CPXM2: variants seen among roughly 807,000 people sequenced by gnomAD.
CPXM2 encodes the protein inactive carboxypeptidase-like protein X2.
A neutral mutation model predicts 86.1 loss-of-function variants in CPXM2; 66 were observed. That is an observed-to-expected ratio of 0.77 (90% CI 0.63 to 0.94). The LOEUF is 0.94. Among genes scored for constraint, CPXM2 ranks in the 40% least tolerant of loss-of-function variants. The pLI is 0.00. For synonymous variants in CPXM2, 388 were observed against 400.2 expected, an observed-to-expected ratio of 0.97 and a Z score of 0.36; for missense variants, 948 against 1,026.3, an observed-to-expected ratio of 0.92 and a Z score of 1.04.
chr10:123,842,379 A>G lies in CPXM2; in HGVS notation c.623T>C (p.Val208Ala). 1 of 1,614,256 alleles carries G rather than the reference A, an allele frequency of 6.2e-7. No homozygotes were observed. The highest frequency in any genetic ancestry group is 2.2e-5 in the East Asian group (1 of 44,892). ...GAGGGAGTTCCTCCCTTGAGTGATG[A>G]CACCAGTGAATCTGGTCAGGCGCCG... ...DARRLTRFTGVITQGRNSLWL... is the reference protein window; with the variant it reads ...DARRLTRFTGAITQGRNSLWL... The change falls in exon 4 of 14, where the codon GTC (valine) becomes GCC (alanine). Residue 208 changes from valine (V) to alanine (A), a missense_variant. Transcript: ENST00000241305.
At chr10:123,846,253 GT>G (rs1453092314) in intron 3 of CPXM2, among the ~76,000 whole-genome samples, 1 of 152,112 alleles carries the variant, frequency 6.6e-6, no homozygotes, top group Non-Finnish European at 1.5e-5. Flanking sequence ...AGAATCAATG[GT>G]AGCCTGAGCT....
At chr10:123,840,628 G>A (rs559185495) in intron 4 of CPXM2, among the ~76,000 whole-genome samples, 4 of 152,030 alleles carry the variant, frequency 2.6e-5, no homozygotes, top group Admixed American at 6.5e-5. Flanking sequence ...TAAAATAACC[G>A]GATATGTAAC....
At chr10:123,809,743 A>C (rs1347597930) in intron 4 of CPXM2, among the ~76,000 whole-genome samples, 1 of 152,154 alleles carries the variant, frequency 6.6e-6, no homozygotes, top group Non-Finnish European at 1.5e-5. Context: ...ATTAAAAATT[A>C]ATAAGATATT....
intron 12 of CPXM2, among the ~76,000 whole-genome samples, chr10:123,755,756 A>G (rs150678611): frequency 6.6e-6 from 1 of 152,336 alleles, no homozygotes; most frequent in East Asian, 1.9e-4. Context: ...GTGCCAATCC[A>G]AGGTGACATT....
At chr10:123,921,208 T>C (rs1945576674) in intron 2 of CPXM2, among the ~76,000 whole-genome samples, 1 of 152,200 alleles carries the variant, frequency 6.6e-6, no homozygotes, top group African/African-American at 2.4e-5. Flanking sequence ...GCCCACCAGA[T>C]GAAGAAGATG....
At chr10:123,939,088 C>G (rs958680656) in intron 2 of CPXM2, among the ~76,000 whole-genome samples, 1 of 152,090 alleles carries the variant, frequency 6.6e-6, no homozygotes, top group Non-Finnish European at 1.5e-5. Flanking sequence ...CATAAAGCCA[C>G]GAGAAGTGTA....
chr10:123,895,115 T>TTTTTTC (rs1190958650), upstream of CPXM2, among the ~76,000 whole-genome samples: 2 of 122,564 alleles, frequency 1.6e-5, no homozygotes, highest in African/African-American at 5.5e-5. Flanking sequence ...TTTTTTTCTT[T>TTTTTTC]TTTTTCTTTT....
intron 6 of CPXM2, among the ~76,000 whole-genome samples, chr10:123,786,982 A>G (rs1847073732): frequency 6.6e-6 from 1 of 152,190 alleles, no homozygotes; most frequent in Non-Finnish European, 1.5e-5. Flanking sequence ...ACCTCTTTGA[A>G]AAAAACAGCC....
intron 2 of CPXM2, among the ~76,000 whole-genome samples, chr10:123,862,937 T>A (rs1848887946): frequency 6.6e-6 from 1 of 152,210 alleles, no homozygotes; most frequent in African/African-American, 2.4e-5. Context: ...TGCTCTGATA[T>A]TCCTTCTCTT....
Position 123,757,299 on chromosome 10 carries a change from C to A in CPXM2, c.1831G>T (p.Val611Leu), listed in dbSNP as rs115379653. ...TCATGTGGGTATTTATCACAGCCCA[C>A]GTAGATGGACAGTTCGAAGCAGTTT... The part of the protein sequence containing the change: ...HTNCFELSIY[V>L]GCDKYPHESQ... The change falls in exon 12 of 14, where the codon GTG (valine) becomes TTG (leucine). Residue 611 changes from valine (V) to leucine (L), a missense_variant. By Grantham distance (32) the Val-to-Leu change is conservative. Transcript: ENST00000241305. The A allele has an allele frequency of 1.4e-3, 2,278 of 1,613,574 alleles. 28 individuals are homozygous for A. The African/African-American group carries it at 0.027, about 19-fold the overall frequency.
rs551936179 is a variant in CPXM2, at chr10:123,749,172, C to T, written c.2018-2155G>A. The stretch of plus-strand genomic sequence containing the variant: ...GGGATTAGTTAAGGCCGAGAGCCTG[C>T]CCCCACCAACAGCTATTGTGGGGCG... On this transcript the variant is annotated intron_variant, in intron 13 of 13. Coordinates refer to ENST00000241305, the MANE Select transcript of CPXM2 (RefSeq NM_198148.3). Among the ~76,000 whole-genome samples, 7 of 152,114 alleles carry T rather than the reference C, an allele frequency of 4.6e-5. No homozygotes were observed. In the South Asian group the frequency reaches 1.5e-3, roughly 32 times the overall value.
intron 3 of CPXM2, among the ~76,000 whole-genome samples, chr10:123,858,792 T>C (rs1410787220): frequency 6.6e-6 from 1 of 152,240 alleles, no homozygotes; most frequent in Non-Finnish European, 1.5e-5. Flanking sequence ...CATGGCCCTT[T>C]CCATGCCTGT....
chr10:123,826,951 G>C (rs951048850), intron 4 of CPXM2, among the ~76,000 whole-genome samples: 2 of 152,036 alleles, frequency 1.3e-5, no homozygotes, highest in African/African-American at 4.8e-5. Flanking sequence ...GAGGGATAAA[G>C]ACAAACTCTC....
At chr10:123,786,277 A>G (rs1847052883) in intron 6 of CPXM2, among the ~76,000 whole-genome samples, 1 of 152,242 alleles carries the variant, frequency 6.6e-6, no homozygotes, top group South Asian at 2.1e-4. Context: ...GGCTCACTCA[A>G]GGCTCGTGGA....
At chr10:123,897,967 A>C (rs570236218) in intron 2 of CPXM2, among the ~76,000 whole-genome samples, 5 of 152,158 alleles carry the variant, frequency 3.3e-5, no homozygotes, top group African/African-American at 1.2e-4. Flanking sequence ...AGCAGTGCCA[A>C]ATGCAGTTGG....
intron 2 of CPXM2, among the ~76,000 whole-genome samples, chr10:123,926,412 A>C (rs1945622154): frequency 6.6e-6 from 1 of 152,156 alleles, no homozygotes; most frequent in Admixed American, 6.5e-5. Flanking sequence ...AGCACAGTTT[A>C]TTGGAATCAT....
At chr10:123,927,815 G>A (rs567816072) in intron 2 of CPXM2, among the ~76,000 whole-genome samples, 3 of 152,348 alleles carry the variant, frequency 2.0e-5, no homozygotes, top group African/African-American at 4.8e-5. Flanking sequence ...ACATTTGTGT[G>A]GTTTTAGTTC....
chr10:123,871,057 T>C (rs569190911), intron 2 of CPXM2, among the ~76,000 whole-genome samples: 1 of 152,330 alleles, frequency 6.6e-6, no homozygotes, highest in South Asian at 2.1e-4. Flanking sequence ...GTGGCTGATA[T>C]CTGGAGTCAG....
intron 2 of CPXM2, among the ~76,000 whole-genome samples, chr10:123,869,326 A>G: frequency 6.6e-6 from 1 of 152,194 alleles, no homozygotes; most frequent in Non-Finnish European, 1.5e-5. Context: ...CAACAGCCTC[A>G]AGACGAGCTC....
Sources: allele counts gnomAD v4.1 joint callset (sites outside exome capture counted in the v4.1 genomes callset), GRCh38; gene constraint gnomAD v4.1.1; transcripts MANE v1.5; gene names NCBI Gene and HGNC (gene_info 2026-07-23, HGNC 2026-07-21).